Variants in NLRX1 observed in about 807,000 individuals in gnomAD.
The protein encoded by NLRX1 is NOD-like receptor X1.
Under a neutral mutation model 74.2 loss-of-function variants are expected in NLRX1, and 67 were observed. That is an observed-to-expected ratio of 0.90 (90% confidence interval 0.74 to 1.11). The LOEUF (loss-of-function observed/expected upper bound fraction) is 1.11. NLRX1 is among the 50% of genes least tolerant of loss of function. The pLI is 0.00. For missense variants in NLRX1, 1,191 were observed against 1,305.4 expected (o/e 0.91, Z 1.35); for synonymous variants, 506 against 559.1 (o/e 0.91, Z 1.34).
Position 119,183,193 on chromosome 11 carries a change from C to G in NLRX1, c.2682C>G (p.Ala894=), listed in dbSNP as rs746007961. The G allele has an allele frequency of 2.5e-6, 4 of 1,614,178 alleles. No homozygotes were observed. The Admixed American group carries it at 6.7e-5, about 27-fold the overall frequency. The change falls in exon 10 of 10, where the codon GCC becomes GCG. Residue 894 remains alanine (A), a synonymous_variant. Transcript: ENST00000409109. This position sits in a 1 kb window ranked among gnomAD's most constrained non-coding sequence, Gnocchi z 5.7. The part of the protein sequence containing the change: ...RDLGGAAEGG[A]RVVVSLTEGT... ...TGGGGGGTGCTGCTGAAGGTGGTGC[C>G]CGGGTGGTGGTGTCACTGACAGAGG... is the stretch of plus-strand genomic sequence containing the variant.
chr11:119,171,027 CAGCTACTTGGG>C (rs1948529108), intron 1 of NLRX1, among the ~76,000 whole-genome samples: 1 of 152,176 alleles, frequency 6.6e-6, no homozygotes, highest in Non-Finnish European at 1.5e-5. Context: ...CCTGTAATCC[CAGCTACTTGGG>C]AGGCTGAGGC....
rs1256649842 is a variant in NLRX1, at chr11:119,175,266, C to A, written c.1663C>A (p.Leu555Met). ...GCGGGCTCTGCCTCTGCTCTTCAACCTGATCAAGGTAACATCCCGATCAAG... is the reference window on the plus strand; with the variant it reads ...GCGGGCTCTGCCTCTGCTCTTCAACATGATCAAGGTAACATCCCGATCAAG... ...PLRALPLLFNLIKVVPRVFGR... is the reference protein window; with the variant it reads ...PLRALPLLFNMIKVVPRVFGR... The change falls in exon 6 of 10, where the codon CTG becomes ATG. Residue 555 changes from leucine to methionine, a missense_variant. Leu to Met is a conservative substitution (Grantham distance 15). Transcript: ENST00000409109. 2.5e-6 allele frequency: 4 copies of A among 1,613,196 alleles called. No homozygotes were observed. Among genetic ancestry groups the A allele is most frequent in the Non-Finnish European group, 2.5e-6 (3 of 1,179,526 alleles).
At chr11:119,182,924 A>T in intron 9 of NLRX1, among the ~76,000 whole-genome samples, 194 bp from the exon 10 acceptor site, 1 of 151,400 alleles carries the variant, frequency 6.6e-6, no homozygotes, top group East Asian at 2.0e-4. Flanking sequence ...AAAAACAAAA[A>T]AAAAAAAGAA....
At position 119,180,116 on chromosome 11, in the gene NLRX1, C is replaced by T. The variant is rs770597755; in HGVS notation, c.2095C>T (p.Arg699Cys). 1.9e-6 allele frequency: 3 copies of T among 1,613,484 alleles called. No individual in the cohort carries two copies. The highest frequency in any genetic ancestry group is 1.3e-5 in the African/African-American group (1 of 75,062). ...CTCCGCTGAGGTGCTCAGCTCCCTGCGTCAGCTCAACCTGGCAGGTGTGCG... is the reference window on the plus strand; with the variant it reads ...CTCCGCTGAGGTGCTCAGCTCCCTGTGTCAGCTCAACCTGGCAGGTGTGCG... ...RFSAEVLSSL[R>C]QLNLAGVRMT... The change falls in exon 7 of 10, where the codon CGT becomes TGT. Residue 699 changes from arginine to cysteine, a missense_variant. By Grantham distance (180) the Arg-to-Cys change is radical. Transcript: ENST00000409109.
chr11:119,179,640 G>A, intron 6 of NLRX1, 53 bp from the exon 7 acceptor site: 1 of 1,496,718 alleles, frequency 6.7e-7, no homozygotes, highest in East Asian at 2.3e-5. Context: ...GAACCTTGAA[G>A]GCTGAACAGG....
At chr11:119,181,999 A>G in intron 8 of NLRX1, 95 bp from the exon 9 acceptor site, 1 of 1,466,590 alleles carries the variant, frequency 6.8e-7, no homozygotes, top group Non-Finnish European at 9.4e-7. Flanking sequence ...CACCCAGCAC[A>G]GGGCTGCCCC....
intron 8 of NLRX1, 154 bp downstream of exon 8, chr11:119,181,411 C>G (rs1948835153): frequency 1.6e-6 from 1 of 630,372 alleles, no homozygotes; most frequent in African/African-American, 1.8e-5. Context: ...CCCAGGTCCA[C>G]TGCAAGCAGC....
Position 119,183,066 on chromosome 11 carries a change from C to T in NLRX1, c.2607-52C>T, listed in dbSNP as rs1948881745. 3.3e-6 allele frequency: 5 copies of T among 1,522,398 alleles called. No individual in the cohort carries two copies. The highest frequency in any genetic ancestry group is 1.9e-5 in the Admixed American group (1 of 53,798). 94.3% of individuals were successfully genotyped at this position (1,522,398 alleles called of 1,614,324 possible). A position where few individuals can be genotyped will look rare whatever the true frequency, so the allele number is the denominator to read the frequency against. ...GACTTTCCATCCATCTACCCTCGGG[C>T]CCTCCTTCTCAGAGCTCTACTGAAT... On this transcript the variant is annotated intron_variant, in intron 9 of 9. Coordinates refer to ENST00000409109, the MANE Select transcript of NLRX1 (RefSeq NM_001282144.2). This position sits in a 1 kb window ranked among gnomAD's most constrained non-coding sequence, Gnocchi z 5.7.
At position 119,172,962 on chromosome 11, in the gene NLRX1, C is replaced by A; in HGVS notation, c.202C>A (p.Arg68=). The A allele has an allele frequency of 6.2e-7, 1 of 1,613,802 alleles. No homozygotes were observed. Among genetic ancestry groups the A allele is most frequent in the South Asian group, 1.1e-5 (1 of 91,076 alleles). Residue 68 remains arginine, a synonymous_variant, in exon 4 of 10, where the codon CGG becomes AGG. Transcript: ENST00000409109. Reference sequence around the variant, plus strand: ...CGCTCCCCCACCCGGGAGGCATGGACGGCTGTTCCCCAGCGCCTCTGCAAC... The same window carrying A: ...CGCTCCCCCACCCGGGAGGCATGGAAGGCTGTTCCCCAGCGCCTCTGCAAC... The part of the protein sequence containing the change: ...DSAPPPGRHG[R]LFPSASATEA...
Position 119,173,579 on chromosome 11 carries a change from C to T in NLRX1, c.330C>T (p.His110=), listed in dbSNP as rs370521523. ...FGPTFALDTV[H]VDPVIRESTP... ...CAACCTTTGCCCTAGACACGGTCCA[C>T]GTTGACCCTGTGATCCGCGAGAGTA... Residue 110 remains histidine (H), a synonymous_variant, in exon 5 of 10, where the codon CAC becomes CAT. Coordinates refer to ENST00000409109, the MANE Select transcript of NLRX1 (RefSeq NM_001282144.2). This position sits in a 1 kb window ranked among gnomAD's most constrained non-coding sequence, Gnocchi z 4.0. The T allele has an allele frequency of 8.5e-5, 137 of 1,614,058 alleles. No homozygotes were observed. The highest frequency in any genetic ancestry group is 6.0e-4 in the African/African-American group (45 of 74,938).
chr11:119,183,437 T>C lies in NLRX1; in HGVS notation c.2926T>C (p.Ter976ArgextTer10). The change falls in exon 10 of 10, where the codon TGA becomes CGA. Residue 976 changes from the stop codon to arginine, a stop_lost. Transcript: ENST00000409109. The surrounding 1 kb of genome is among the most constrained non-coding windows in gnomAD (Gnocchi z 5.7). ...LLEQLGSSGS* is the reference protein window; with the variant it reads ...LLEQLGSSGSR ...GGAGCAGCTGGGAAGCTCTGGAAGC[T>C]GAGACACTGGCGGCAGGCACCTAGC... 6.2e-7 allele frequency: 1 copy of C among 1,610,314 alleles called. No homozygotes were observed. Among genetic ancestry groups the C allele is most frequent in the Non-Finnish European group, 8.5e-7 (1 of 1,178,976 alleles).
rs373535156 is a variant in NLRX1 at position 119,173,024 on chromosome 11, G to T, written c.229+35G>T. On this transcript the variant is annotated intron_variant, in intron 4 of 9. Transcript: ENST00000409109. The surrounding 1 kb of genome is among the most constrained non-coding windows in gnomAD (Gnocchi z 4.0). ...CTGGCTGGGACCCTGGTCAGGGGGT[G>T]TGGTGGGCAGACGGGGCTGGAAGGA... 15 of 1,551,246 alleles carry T rather than the reference G, an allele frequency of 9.7e-6. No homozygotes were observed. The African/African-American group carries it at 1.6e-4, about 17-fold the overall frequency.
At position 119,173,293 on chromosome 11, in the gene NLRX1, C is replaced by T; in HGVS notation, c.230-186C>T. ...AGTTTGTCCAGTGGCTTCCCACTTT[C>T]TGACATAGGGGTTCCAGACTTTCTG... On this transcript the variant is annotated intron_variant, in intron 4 of 9. Coordinates refer to ENST00000409109, the MANE Select transcript of NLRX1 (RefSeq NM_001282144.2). The surrounding 1 kb of genome is among the most constrained non-coding windows in gnomAD (Gnocchi z 4.0). 1.4e-6 allele frequency: 1 copy of T among 735,490 alleles called. No individual in the cohort carries two copies. Among genetic ancestry groups the T allele is most frequent in the Non-Finnish European group, 2.2e-6 (1 of 447,138 alleles). The allele number at this position is 735,490 out of a possible 1,614,324, so 45.6% of individuals were successfully genotyped here. A position where few individuals can be genotyped will look rare whatever the true frequency, so the allele number is the denominator to read the frequency against.
In NLRX1 at chr11:119,182,303, TG is replaced by T; in HGVS notation, c.2566del (p.Ala856ProfsTer20). On this transcript the variant is annotated frameshift_variant, in exon 9 of 10. Coordinates refer to ENST00000409109, the MANE Select transcript of NLRX1 (RefSeq NM_001282144.2). LOFTEE classifies it high-confidence loss of function. ...NGAGDTAALA[L>X]ARAAREHPSL... Reference sequence around the variant, plus strand: ...GCTGGTGACACAGCGGCCCTGGCCCTGGCCAGAGCTGCCCGGGAGCACCCTT... The same window carrying T: ...GCTGGTGACACAGCGGCCCTGGCCCTGCCAGAGCTGCCCGGGAGCACCCTT... The T allele has an allele frequency of 6.2e-7, 1 of 1,613,386 alleles. No individual in the cohort carries two copies. Among genetic ancestry groups the T allele is most frequent in the Non-Finnish European group, 8.5e-7 (1 of 1,179,972 alleles).
chr11:119,182,394 C>T (rs753071796), intron 9 of NLRX1, 49 bp downstream of exon 9: 10 of 1,581,632 alleles, frequency 6.3e-6, no homozygotes, highest in Non-Finnish European at 7.7e-6. Flanking sequence ...AGACTACTTC[C>T]CTCTCTCAAC....
At chr11:119,180,570 G>A (rs1948811379) in intron 7 of NLRX1, among the ~76,000 whole-genome samples, 1 of 151,910 alleles carries the variant, frequency 6.6e-6, no homozygotes, top group Admixed American at 6.6e-5. Flanking sequence ...GCATGGTGGT[G>A]CATGCCTGTA....
rs1447853033 is a variant in NLRX1, at chr11:119,173,183, A to C, written c.229+194A>C. The C allele has an allele frequency of 3.2e-6, 2 of 621,346 alleles. No homozygotes were observed. Among genetic ancestry groups the C allele is most frequent in the Non-Finnish European group, 5.7e-6 (2 of 350,466 alleles). The allele number at this position is 621,346 out of a possible 1,614,324, so 38.5% of individuals were successfully genotyped here. ...TCTTGCAATGCACACTTATATGTAC[A>C]AAGCGCTAGGAGAGCCATACCATCC... On this transcript the variant is annotated intron_variant, in intron 4 of 9. Coordinates refer to ENST00000409109, the MANE Select transcript of NLRX1 (RefSeq NM_001282144.2). The surrounding 1 kb of genome is among the most constrained non-coding windows in gnomAD (Gnocchi z 4.0).
Position 119,179,906 on chromosome 11 carries a change from G to T in NLRX1, c.1885G>T (p.Gly629Trp). Residue 629 changes from glycine to tryptophan, a missense_variant, in exon 7 of 10, where the codon GGG (glycine) becomes TGG (tryptophan). Physicochemically the swap from Gly to Trp is radical, Grantham distance 184 (BLOSUM62 -2). Transcript: ENST00000409109. ...VFELFPMFMG[G>W]LLSAHNRAVL... ...CGAGCTCTTCCCCATGTTCATGGGGGGGCTTCTCTCTGCCCACAACCGAGC... is the reference window on the plus strand; with the variant it reads ...CGAGCTCTTCCCCATGTTCATGGGGTGGCTTCTCTCTGCCCACAACCGAGC... The T allele has an allele frequency of 6.2e-7, 1 of 1,611,758 alleles. No homozygotes were observed.
At chr11:119,175,300 C>A in intron 6 of NLRX1, 26 bp downstream of exon 6, 3 of 1,585,794 alleles carry the variant, frequency 1.9e-6, no homozygotes, top group Non-Finnish European at 2.6e-6. Flanking sequence ...AGGTAACCCC[C>A]CAACCTGCTC....
Sources: gnomAD v4.1 joint callset for allele counts (sites outside exome capture counted in the v4.1 genomes callset) on GRCh38, gnomAD v4.1.1 for gene constraint, Gnocchi (gnomAD v3.1) non-coding constraint, MANE v1.5 for transcripts, NCBI Gene and HGNC (gene_info 2026-07-23, HGNC 2026-07-21) for gene names.